The following HAAO variants were observed in gnomAD, a reference collection of about 807,000 sequenced individuals.
The protein encoded by HAAO is 3-hydroxyanthranilate oxygenase.
In HAAO, 49 loss-of-function variants were observed where a neutral mutation model predicts 46.2. The observed-to-expected ratio is 1.06, with a 90% CI of 0.84 to 1.34. The LOEUF (loss-of-function observed/expected upper bound fraction) is 1.34. Ranked by LOEUF, HAAO falls within the 40% of genes most tolerant of loss-of-function variation. The probability of loss-of-function intolerance (pLI) is 0.00; values close to 1 mark genes in which losing one functional copy is unlikely to be tolerated. For synonymous variants in HAAO, 157 were observed against 145.2 expected, an observed-to-expected ratio of 1.08 and a Z score of -0.58; for missense variants, 408 against 364.5, an observed-to-expected ratio of 1.12 and a Z score of -0.97.
chr2:42,767,171 G>A lies in HAAO; in HGVS notation c.*266C>T. On this transcript the variant is annotated 3_prime_UTR_variant, in exon 10 of 10. Transcript: ENST00000294973. ...GTCTGCAGGGACAGAGGAATGGGCA[G>A]GAGCGGGGCCGGGGGTAGACCACCT... The A allele has an allele frequency of 1.7e-6, 1 of 573,480 alleles. No homozygotes were observed. The highest frequency in any genetic ancestry group is 3.1e-6 in the Non-Finnish European group (1 of 318,658). 35.5% of individuals were successfully genotyped at this position (573,480 alleles called of 1,614,324 possible). A position where few individuals can be genotyped will look rare whatever the true frequency, so the allele number is the denominator to read the frequency against.
In HAAO at chr2:42,769,819, C is replaced by G. The variant is rs142300589; in HGVS notation, c.524G>C (p.Arg175Pro). Residue 175 changes from arginine to proline, a missense_variant, in exon 7 of 10, where the codon CGA becomes CCA. By Grantham distance (103) the Arg-to-Pro change is moderately radical. Coordinates refer to ENST00000294973, the MANE Select transcript of HAAO (RefSeq NM_012205.3). ...CAGGGACATGGGCTCCATGATGGAT[C>G]GTGTGCTCAGAGGGAATGGTGGCTC... ...LKEPPFPLST[R>P]SIMEPMSLDA... The G allele has an allele frequency of 3.4e-5, 55 of 1,613,752 alleles. No homozygotes were observed. The highest frequency in any genetic ancestry group is 4.5e-5 in the Non-Finnish European group (53 of 1,179,886).
chr2:42,782,762 C>A, intron 4 of HAAO: 2 of 329,432 alleles, frequency 6.1e-6, no homozygotes, highest in South Asian at 2.4e-5. Context: ...TGTCTCTTAT[C>A]TACCTGTGAC....
chr2:42,781,019 G>T (rs1052159694), intron 4 of HAAO, among the ~76,000 whole-genome samples: 8 of 151,994 alleles, frequency 5.3e-5, no homozygotes, highest in African/African-American at 1.2e-4. Flanking sequence ...GGAGCTTGCA[G>T]TGAGCCGAGA....
At chr2:42,775,322 A>G (rs1036401937) in intron 4 of HAAO, among the ~76,000 whole-genome samples, 11 of 151,798 alleles carry the variant, frequency 7.2e-5, no homozygotes, top group African/African-American at 2.7e-4. Flanking sequence ...AAGAAAGATG[A>G]AAGATTTTGT....
At chr2:42,771,258 A>G (rs930251658) in intron 4 of HAAO, among the ~76,000 whole-genome samples, 2 of 151,842 alleles carry the variant, frequency 1.3e-5, no homozygotes, top group Admixed American at 1.3e-4. Flanking sequence ...ATAGCCAGGC[A>G]TAACAAAAGA....
chr2:42,789,330 C>T lies in HAAO; in HGVS notation c.81-723G>A, dbSNP rs145774331. 3.8e-3 allele frequency among the ~76,000 whole-genome samples: 586 copies of T among 152,278 alleles called. 4 individuals are homozygous for T. The highest frequency in any genetic ancestry group is 0.013 in the African/African-American group (557 of 41,562). On this transcript the variant is annotated intron_variant, in intron 1 of 9. Transcript: ENST00000294973. ...GCGTGGTGGCTCATGCCTGTAATCC[C>T]AGCACTTTGAGAGGCAGAGGCGGAT... is the stretch of plus-strand genomic sequence containing the variant.
intron 7 of HAAO, among the ~76,000 whole-genome samples, chr2:42,768,384 C>T (rs1670831211): frequency 6.6e-6 from 1 of 152,146 alleles, no homozygotes; most frequent in Non-Finnish European, 1.5e-5. Context: ...TGTGCAGGGC[C>T]GTGCTGCTGA....
intron 2 of HAAO, among the ~76,000 whole-genome samples, chr2:42,786,268 C>A (rs1573952198): frequency 6.6e-6 from 1 of 152,240 alleles, no homozygotes; most frequent in East Asian, 1.9e-4. Context: ...TGGCCTGGGG[C>A]AGAGGTACAG....
At chr2:42,790,332 A>T (rs73930494) in intron 1 of HAAO, among the ~76,000 whole-genome samples, 32 of 151,872 alleles carry the variant, frequency 2.1e-4, no homozygotes, top group African/African-American at 7.3e-4. Flanking sequence ...TTAAAGCTGC[A>T]TAGAGCTTCA....
rs1672194290 is a variant in HAAO, at chr2:42,783,822, G to C, written c.205C>G (p.Gln69Glu). Reference protein sequence around the residue: ...EGDMVLRVLEQGKHRDVVIRQ... With the variant: ...EGDMVLRVLEEGKHRDVVIRQ... ...ATGACCACATCCCGGTGTTTCCCTT[G>C]CTCCAGGACTCGGAGAACCATGTCT... The change falls in exon 3 of 10, where the codon CAA becomes GAA. Residue 69 changes from glutamine (Q) to glutamate (E), a missense_variant. By Grantham distance (29) the Gln-to-Glu change is conservative. Transcript: ENST00000294973. The C allele has an allele frequency of 1.2e-6, 2 of 1,612,990 alleles. No homozygotes were observed. Among genetic ancestry groups the C allele is most frequent in the South Asian group, 2.2e-5 (2 of 90,706 alleles).
chr2:42,769,606 A>T (rs62145485), intron 7 of HAAO, 107 bp downstream of exon 7: 622 of 660,052 alleles, frequency 9.4e-4, no homozygotes, highest in Non-Finnish European at 1.2e-3. Context: ...TGTGTGTGTG[A>T]GTGTGTGTGT....
rs770455517 is a variant in HAAO at position 42,792,474 on chromosome 2, CG to C, written c.62del (p.Pro21ArgfsTer93). 11 of 1,587,782 alleles carry C rather than the reference CG, an allele frequency of 6.9e-6. No homozygotes were observed. Among genetic ancestry groups the C allele is most frequent in the Non-Finnish European group, 6.0e-6 (7 of 1,167,622 alleles). On this transcript the variant is annotated frameshift_variant, in exon 1 of 10. Coordinates refer to ENST00000294973, the MANE Select transcript of HAAO (RefSeq NM_012205.3). LOFTEE classifies it high-confidence loss of function. ...VKENRGSFQP[P>X]VCNKLMHQEQ... ...GGACTCACATGAGCTTGTTGCAGACCGGGGGCTGGAAGGAGCCCCGGTTCTC... is the reference window on the plus strand; with the variant it reads ...GGACTCACATGAGCTTGTTGCAGACCGGGGCTGGAAGGAGCCCCGGTTCTC...
intron 4 of HAAO, among the ~76,000 whole-genome samples, chr2:42,781,772 G>A (rs908882209): frequency 6.6e-6 from 1 of 152,076 alleles, no homozygotes; most frequent in Non-Finnish European, 1.5e-5. Context: ...TACTCAAGAA[G>A]TTAAGGCAGG....
chr2:42,771,040 C>T (rs1233873500), intron 4 of HAAO, among the ~76,000 whole-genome samples: 1 of 152,196 alleles, frequency 6.6e-6, no homozygotes, highest in East Asian at 1.9e-4. Flanking sequence ...GCTGGACGCT[C>T]TGCTGGCCTG....
chr2:42,789,250 C>T (rs975741962), intron 1 of HAAO: 1 of 153,174 alleles, frequency 6.5e-6, no homozygotes, highest in Non-Finnish European at 1.5e-5. Context: ...AGAATGGTGC[C>T]TAGCATATAG....
In HAAO at chr2:42,767,265, A is replaced by G; in HGVS notation, c.*172T>C. ...GGGGAGCTGCTGCCCGCCCAGGGGC[A>G]TGGCATCTGGGCTGAGAAGGGCAGG... On this transcript the variant is annotated 3_prime_UTR_variant, in exon 10 of 10. Coordinates refer to ENST00000294973, the MANE Select transcript of HAAO (RefSeq NM_012205.3). The G allele has an allele frequency of 1.6e-6, 1 of 629,152 alleles. No individual in the cohort carries two copies. Among genetic ancestry groups the G allele is most frequent in the Non-Finnish European group, 2.9e-6 (1 of 346,634 alleles). The allele number at this position is 629,152 out of a possible 1,614,324, so 39.0% of individuals were successfully genotyped here.
At position 42,767,636 on chromosome 2, in the gene HAAO, G is replaced by A. The variant is rs1208602506; in HGVS notation, c.741C>T (p.Ser247=). ...SVVTMGGRRL[S]LAPDDSLLVL... is the part of the protein sequence containing the mutation. ...CCAGGAGGCTGTCATCAGGGGCCAGGCTCAGGCGCCGTCCCCCCATTGTCA... is the reference window on the plus strand; with the variant it reads ...CCAGGAGGCTGTCATCAGGGGCCAGACTCAGGCGCCGTCCCCCCATTGTCA... Residue 247 remains serine, a synonymous_variant, in exon 9 of 10, where the codon AGC becomes AGT. Coordinates refer to ENST00000294973, the MANE Select transcript of HAAO (RefSeq NM_012205.3). The A allele has an allele frequency of 1.9e-6, 3 of 1,570,832 alleles. No homozygotes were observed. The highest frequency in any genetic ancestry group is 1.7e-6 in the Non-Finnish European group (2 of 1,157,228).
At chr2:42,783,483 C>T in intron 3 of HAAO, 63 bp from the exon 4 acceptor site, 2 of 1,073,360 alleles carry the variant, frequency 1.9e-6, no homozygotes, top group Non-Finnish European at 2.8e-6. Context: ...CTTAGCGCCC[C>T]CAACATCCTG....
intron 6 of HAAO, 125 bp downstream of exon 6, chr2:42,770,018 C>G (rs1427233792): frequency 9.0e-7 from 1 of 1,111,498 alleles, no homozygotes; most frequent in African/African-American, 1.6e-5. Context: ...TGGCTGCCAT[C>G]TTCTTAGTAC....
Sources: gnomAD v4.1 joint callset for allele counts (sites outside exome capture counted in the v4.1 genomes callset) on GRCh38, gnomAD v4.1.1 for gene constraint, MANE v1.5 for transcripts, NCBI Gene and HGNC (gene_info 2026-07-23, HGNC 2026-07-21) for gene names.